The following GALNT13 variants were observed in gnomAD, a reference collection of about 807,000 sequenced individuals.
GALNT13 encodes polypeptide N-acetylgalactosaminyltransferase 13.
Under a neutral mutation model 64.2 loss-of-function variants are expected in GALNT13, and 28 were observed. The observed-to-expected ratio is 0.44, with a 90% confidence interval of 0.32 to 0.60. The LOEUF is 0.60. Among genes scored for constraint, GALNT13 ranks in the 20% least tolerant of loss-of-function variants. The pLI is 0.05. For missense variants in GALNT13, 577 were observed against 669.8 expected, an observed-to-expected ratio of 0.86 and a Z score of 1.53; for synonymous variants, 214 against 224.6, an observed-to-expected ratio of 0.95 and a Z score of 0.42.
chr2:154,110,882 A>G (rs1030625315), intron 3 of GALNT13, among the ~76,000 whole-genome samples: 2 of 152,156 alleles, frequency 1.3e-5, no homozygotes, highest in Non-Finnish European at 2.9e-5. Flanking sequence ...GGTCATAATT[A>G]CTCCTAACAT....
the GALNT13 span, among the ~76,000 whole-genome samples, chr2:153,086,648 GTA>G: frequency 2.6e-5 from 4 of 151,988 alleles, no homozygotes; most frequent in Admixed American, 6.6e-5. Context: ...ACCCAGTCTT[GTA>G]TATGTCTTTA....
At chr2:154,239,194 T>C (rs1689349752) in intron 4 of GALNT13, among the ~76,000 whole-genome samples, 1 of 152,134 alleles carries the variant, frequency 6.6e-6, no homozygotes, top group Admixed American at 6.5e-5. Context: ...AAAGTAAAGC[T>C]TGGTAGAAAT....
chr2:153,977,427 A>G (rs918027393), intron 3 of GALNT13, among the ~76,000 whole-genome samples: 1 of 152,156 alleles, frequency 6.6e-6, no homozygotes, highest in Non-Finnish European at 1.5e-5. Flanking sequence ...CCTTCTTCAC[A>G]TGGCAGCAGG....
the GALNT13 span, among the ~76,000 whole-genome samples, chr2:153,698,559 T>C: frequency 6.6e-6 from 1 of 152,174 alleles, no homozygotes; most frequent in Non-Finnish European, 1.5e-5. Context: ...TGAATATATA[T>C]GCACCAAATA....
chr2:153,570,369 T>G, the GALNT13 span, among the ~76,000 whole-genome samples: 1 of 152,214 alleles, frequency 6.6e-6, no homozygotes, highest in Non-Finnish European at 1.5e-5. Context: ...ATGGATGGTT[T>G]GTGAATATTT....
chr2:153,835,752 T>C, the GALNT13 span, among the ~76,000 whole-genome samples: 1 of 152,086 alleles, frequency 6.6e-6, no homozygotes, highest in South Asian at 2.1e-4. Context: ...CCTGTCATAT[T>C]AAAATACTTT....
intron 3 of GALNT13, among the ~76,000 whole-genome samples, chr2:154,104,601 C>T (rs1558959733): frequency 6.6e-6 from 1 of 152,204 alleles, no homozygotes; most frequent in Non-Finnish European, 1.5e-5. Flanking sequence ...CTTTTGAAGA[C>T]TTGGACTTTA....
At chr2:153,630,377 C>T in the GALNT13 span, among the ~76,000 whole-genome samples, 209 of 151,170 alleles carry the variant, frequency 1.4e-3, no homozygotes, top group Non-Finnish European at 1.7e-3. Context: ...AAATCATCAT[C>T]CTCTGTAAAC....
At chr2:153,184,908 A>C in the GALNT13 span, among the ~76,000 whole-genome samples, 197 of 152,304 alleles carry the variant, frequency 1.3e-3, no homozygotes, top group African/African-American at 4.5e-3. Flanking sequence ...CATCAAGGAT[A>C]TTGGTCTGAA....
At chr2:154,434,598 C>T (rs932640252) in intron 11 of GALNT13, among the ~76,000 whole-genome samples, 2 of 151,962 alleles carry the variant, frequency 1.3e-5, no homozygotes, top group Non-Finnish European at 2.9e-5. Context: ...TCATTATCAC[C>T]GTCTTATAAG....
At chr2:153,787,089 T>C in the GALNT13 span, among the ~76,000 whole-genome samples, 1 of 152,042 alleles carries the variant, frequency 6.6e-6, no homozygotes, top group Non-Finnish European at 1.5e-5. Flanking sequence ...TGCCTCCAAG[T>C]TGGGGAGAAA....
At chr2:153,398,325 T>G in the GALNT13 span, among the ~76,000 whole-genome samples, 2 of 152,178 alleles carry the variant, frequency 1.3e-5, no homozygotes, top group African/African-American at 4.8e-5. Context: ...TCTATCATTG[T>G]TGGACATTTG....
chr2:153,694,613 T>C, the GALNT13 span, among the ~76,000 whole-genome samples: 8 of 152,192 alleles, frequency 5.3e-5, no homozygotes, highest in African/African-American at 1.7e-4. Flanking sequence ...AGAGTCTTGA[T>C]AGAATGATAC....
At chr2:153,417,471 T>C in the GALNT13 span, among the ~76,000 whole-genome samples, 7 of 152,120 alleles carry the variant, frequency 4.6e-5, no homozygotes, top group Admixed American at 4.6e-4. Context: ...AAGGAGGATA[T>C]TGCCATAATC....
At chr2:153,817,156 A>G in the GALNT13 span, among the ~76,000 whole-genome samples, 24 of 152,306 alleles carry the variant, frequency 1.6e-4, no homozygotes, top group East Asian at 1.7e-3. Context: ...CCTTGCACCA[A>G]TGACTCTTCC....
chr2:153,536,520 G>A, the GALNT13 span, among the ~76,000 whole-genome samples: 1 of 152,060 alleles, frequency 6.6e-6, no homozygotes, highest in East Asian at 1.9e-4. Context: ...TGACTTGTAA[G>A]CTCCTTACAT....
the GALNT13 span, among the ~76,000 whole-genome samples, chr2:153,375,648 T>G: frequency 6.6e-6 from 1 of 152,212 alleles, no homozygotes; most frequent in South Asian, 2.1e-4. Context: ...TTCTAGCAGT[T>G]TAAAATTTTC....
intron 1 of GALNT13, among the ~76,000 whole-genome samples, chr2:153,875,997 C>A (rs1206978316): frequency 6.6e-6 from 1 of 152,084 alleles, no homozygotes; most frequent in Non-Finnish European, 1.5e-5. Flanking sequence ...CTAATGGGAT[C>A]TAACAGGATC....
At chr2:153,141,558 C>G in the GALNT13 span, among the ~76,000 whole-genome samples, 1 of 152,080 alleles carries the variant, frequency 6.6e-6, no homozygotes, top group East Asian at 2.0e-4. Flanking sequence ...CAACTGGGAG[C>G]TGGGAGAAGA....
Sources: gnomAD v4.1 joint callset for allele counts (sites outside exome capture counted in the v4.1 genomes callset) on GRCh38, gnomAD v4.1.1 for gene constraint, MANE v1.5 for transcripts, NCBI Gene and HGNC (gene_info 2026-07-23, HGNC 2026-07-21) for gene names.